AFAP1L2: variants seen among roughly 807,000 people sequenced by gnomAD.
The protein encoded by AFAP1L2 is actin filament-associated protein 1-like 2.
Under a neutral mutation model 99.3 loss-of-function variants are expected in AFAP1L2, and 46 were observed. That is an observed-to-expected ratio of 0.46 (90% CI 0.37 to 0.59). The LOEUF is 0.59. AFAP1L2 is among the 20% of genes least tolerant of loss of function. The probability of loss-of-function intolerance (pLI) is 0.00; values close to 1 mark genes in which losing one functional copy is unlikely to be tolerated. For missense variants in AFAP1L2, 959 were observed against 1,034.9 expected, an observed-to-expected ratio of 0.93 and a Z score of 1.01; for synonymous variants, 397 against 419.1, an observed-to-expected ratio of 0.95 and a Z score of 0.64.
At chr10:114,307,937 G>T in intron 9 of AFAP1L2, 28 bp from the exon 10 acceptor site, 5 of 1,601,532 alleles carry the variant, frequency 3.1e-6, no homozygotes, top group Non-Finnish European at 4.3e-6. Flanking sequence ...AAAGCAATTC[G>T]TATTGCACGT....
Position 114,342,638 on chromosome 10 carries a change from G to C in AFAP1L2, c.17-1907C>G. Among the ~76,000 whole-genome samples, 2 of 152,180 alleles carry C rather than the reference G, an allele frequency of 1.3e-5. 1 individual carries two copies. The highest frequency in any genetic ancestry group is 4.1e-4 in the South Asian group (2 of 4,826). On this transcript the variant is annotated intron_variant, in intron 1 of 18. Transcript: ENST00000304129. ...TACCATGTTGGCTTTGGGGATGGAG[G>C]AAGGGACCATGAGCCGAGGAACACA...
At chr10:114,371,822 A>T (rs537546135) in intron 1 of AFAP1L2, among the ~76,000 whole-genome samples, 4 of 148,116 alleles carry the variant, frequency 2.7e-5, no homozygotes, top group South Asian at 2.3e-4. Context: ...TAAAAAAAAT[A>T]AAAAATAAAC....
chr10:114,337,019 G>A lies in AFAP1L2; in HGVS notation c.145+3584C>T, dbSNP rs180678048. 1.1e-3 allele frequency among the ~76,000 whole-genome samples: 174 copies of A among 152,294 alleles called. 1 individual carries two copies. Among genetic ancestry groups the A allele is most frequent in the African/African-American group, 3.4e-3 (143 of 41,562 alleles). On this transcript the variant is annotated intron_variant, in intron 2 of 18. Transcript: ENST00000304129. ...ACGGCTATCTTGAGATGATCACCTCGCCTCCACCTACAAGTCTCAACAGGC... is the reference window on the plus strand; with the variant it reads ...ACGGCTATCTTGAGATGATCACCTCACCTCCACCTACAAGTCTCAACAGGC...
chr10:114,331,567 C>T (rs748475901), intron 4 of AFAP1L2, among the ~76,000 whole-genome samples: 5 of 152,192 alleles, frequency 3.3e-5, no homozygotes, highest in Non-Finnish European at 7.4e-5. Context: ...TCAGGTGGCA[C>T]TCAATCAAAT....
intron 1 of AFAP1L2, among the ~76,000 whole-genome samples, chr10:114,402,644 T>C (rs2058331288): frequency 6.6e-6 from 1 of 152,106 alleles, no homozygotes; most frequent in South Asian, 2.1e-4. Flanking sequence ...TCTTCGAGGG[T>C]GGGAGGATTT....
At chr10:114,398,193 G>T (rs7089635) in intron 1 of AFAP1L2, among the ~76,000 whole-genome samples, 3 of 152,074 alleles carry the variant, frequency 2.0e-5, no homozygotes, top group African/African-American at 4.8e-5. Context: ...ATTAGGAAAG[G>T]GCTCAAAGCT....
intron 6 of AFAP1L2, among the ~76,000 whole-genome samples, chr10:114,315,348 A>AG (rs1485452412): frequency 1.3e-5 from 2 of 152,190 alleles, no homozygotes; most frequent in East Asian, 3.9e-4. Flanking sequence ...GAACTTGATG[A>AG]AACTACTAGA....
At chr10:114,382,404 A>T (rs1463844564) in intron 1 of AFAP1L2, among the ~76,000 whole-genome samples, 1 of 152,158 alleles carries the variant, frequency 6.6e-6, no homozygotes, top group Non-Finnish European at 1.5e-5. Context: ...GAGCTAAAAA[A>T]GTTGATCACA....
intron 1 of AFAP1L2, among the ~76,000 whole-genome samples, chr10:114,383,867 A>C (rs1447503990): frequency 1.3e-5 from 2 of 152,180 alleles, no homozygotes; most frequent in Non-Finnish European, 2.9e-5. Flanking sequence ...CGTAGCCCGC[A>C]GGCTGACAGA....
intron 1 of AFAP1L2, among the ~76,000 whole-genome samples, chr10:114,384,268 A>AC (rs1027805700): frequency 1.3e-5 from 2 of 150,764 alleles, no homozygotes; most frequent in Non-Finnish European, 3.0e-5. Flanking sequence ...CTTCAGCTGC[A>AC]CCCTCCCCAC....
intron 18 of AFAP1L2, 176 bp downstream of exon 18, chr10:114,296,802 C>G: frequency 9.7e-7 from 1 of 1,032,836 alleles, no homozygotes; most frequent in Non-Finnish European, 1.4e-6. Flanking sequence ...TCTGGTTGGT[C>G]AGTGCCAGAG....
chr10:114,296,420 C>T (rs2040240955), intron 18 of AFAP1L2: 1 of 292,948 alleles, frequency 3.4e-6, no homozygotes, highest in African/African-American at 2.2e-5. Flanking sequence ...AAAGCAAAGG[C>T]AGCCCTAGGC....
intron 1 of AFAP1L2, among the ~76,000 whole-genome samples, chr10:114,378,301 C>G (rs2055077665): frequency 6.6e-6 from 1 of 152,210 alleles, no homozygotes; most frequent in Admixed American, 6.5e-5. Flanking sequence ...TGTCGTCCTA[C>G]TGAAGCTTAT....
intron 1 of AFAP1L2, 148 bp downstream of exon 1, chr10:114,404,292 C>T: frequency 1.1e-6 from 1 of 937,554 alleles, no homozygotes; most frequent in South Asian, 1.4e-5. Flanking sequence ...GCGCCGCTGT[C>T]GCCCCCTCTT....
intron 4 of AFAP1L2, among the ~76,000 whole-genome samples, chr10:114,323,760 T>C (rs1411427068): frequency 6.6e-6 from 1 of 152,234 alleles, no homozygotes; most frequent in African/African-American, 2.4e-5. Context: ...GACTTCCATG[T>C]ACTAGCTGAG....
intron 1 of AFAP1L2, among the ~76,000 whole-genome samples, chr10:114,348,296 T>C (rs1161379223): frequency 2.0e-5 from 3 of 152,230 alleles, no homozygotes; most frequent in African/African-American, 4.8e-5. Flanking sequence ...TCTATTTGTT[T>C]TGAGAAACAC....
At chr10:114,397,189 C>T (rs2057801570) in intron 1 of AFAP1L2, among the ~76,000 whole-genome samples, 1 of 152,152 alleles carries the variant, frequency 6.6e-6, no homozygotes, top group Non-Finnish European at 1.5e-5. Context: ...TGTGTAACCA[C>T]TACCAAAATG....
chr10:114,301,826 C>T (rs557848952), intron 12 of AFAP1L2: 5 of 309,302 alleles, frequency 1.6e-5, no homozygotes, highest in East Asian at 7.0e-5. Flanking sequence ...CTTGGGGTGG[C>T]GCAGGCCAGA....
At position 114,295,792 on chromosome 10, in the gene AFAP1L2, C is replaced by T. The variant is rs2040115733; in HGVS notation, c.*250G>A. 2.4e-6 allele frequency: 3 copies of T among 1,274,668 alleles called. No homozygotes were observed. The Admixed American group carries it at 1.1e-4, about 48-fold the overall frequency. The allele number at this position is 1,274,668 out of a possible 1,614,324, so 79.0% of individuals were successfully genotyped here. On this transcript the variant is annotated 3_prime_UTR_variant, in exon 19 of 19. Coordinates refer to ENST00000304129, the MANE Select transcript of AFAP1L2 (RefSeq NM_001001936.3). ...AAAAAGAAAGAAACACAGAACATCCCTAAATACAACGTCTTGTTTACATCC... is the reference window on the plus strand; with the variant it reads ...AAAAAGAAAGAAACACAGAACATCCTTAAATACAACGTCTTGTTTACATCC...
Sources: allele counts gnomAD v4.1 joint callset (sites outside exome capture counted in the v4.1 genomes callset), GRCh38; gene constraint gnomAD v4.1.1; transcripts MANE v1.5; gene names NCBI Gene and HGNC (gene_info 2026-07-23, HGNC 2026-07-21).